Variants in THUMPD2 observed in about 807,000 individuals in gnomAD.
THUMPD2 encodes THUMP domain 2 tRNA and snRNA guanosine methyltransferase, also known as U6 snRNA (guanine-N(2))-methyltransferase THUMPD2.
THUMPD2 carries 56 observed loss-of-function variants against 49.4 expected under a neutral mutation model. That is an observed-to-expected ratio of 1.13 (90% CI 0.91 to 1.41). The LOEUF is 1.41. THUMPD2 is among the 40% of genes most tolerant of loss of function. The pLI is 0.00. For synonymous variants in THUMPD2, 237 were observed against 205.2 expected, an observed-to-expected ratio of 1.15 and a Z score of -1.32; for missense variants, 709 against 594.5, an observed-to-expected ratio of 1.19 and a Z score of -2.00.
chr2:39,737,015 T>C lies in THUMPD2; in HGVS notation c.1232A>G (p.Asp411Gly). 1 of 1,613,962 alleles carries C rather than the reference T, an allele frequency of 6.2e-7. No individual in the cohort carries two copies. The highest frequency in any genetic ancestry group is 8.5e-7 in the Non-Finnish European group (1 of 1,179,932). Residue 411 changes from aspartate (D) to glycine (G), a missense_variant, in exon 10 of 10, where the codon GAT becomes GGT. Transcript: ENST00000505747. ...ACAATCTGTAAGGCGCCTGTGGTGATCTTCACTAAGCAACAATACAATGGT... is the reference window on the plus strand; with the variant it reads ...ACAATCTGTAAGGCGCCTGTGGTGACCTTCACTAAGCAACAATACAATGGT... ...GGTIVLLLSE[D>G]HHRRLTDCKE...
chr2:39,765,154 C>T (rs1419347766), intron 5 of THUMPD2, among the ~76,000 whole-genome samples: 1 of 151,864 alleles, frequency 6.6e-6, no homozygotes, highest in African/African-American at 2.4e-5. Context: ...GTGAGATACT[C>T]TTCCTAAATT....
chr2:39,758,628 G>A (rs1676430957), intron 6 of THUMPD2, among the ~76,000 whole-genome samples: 2 of 152,286 alleles, frequency 1.3e-5, no homozygotes, highest in Admixed American at 6.5e-5. Context: ...CAGCAGGACT[G>A]ACAGATTCTC....
rs57906396 is a variant in THUMPD2 at position 39,767,603 on chromosome 2, C to CAAAAAAAAAAAA, written c.750+809_750+820dup. On this transcript the variant is annotated intron_variant, in intron 4 of 9. Transcript: ENST00000505747. ...TGGGCGACAGAGCGAGACTCCGTCT[C>CAAAAAAAAAAAA]AAAAAAAAAAAAAAAAAAAGAATTG... Among the ~76,000 whole-genome samples the CAAAAAAAAAAAA allele has an allele frequency of 1.8e-4, 12 of 67,824 alleles. 1 individual carries two copies. The highest frequency in any genetic ancestry group is 6.9e-4 in the African/African-American group (9 of 12,966). The allele number at this position is 67,824 out of a possible 152,430, so 44.5% of individuals were successfully genotyped here.
chr2:39,778,391 TG>T (rs1336670174), intron 1 of THUMPD2, among the ~76,000 whole-genome samples: 1 of 152,248 alleles, frequency 6.6e-6, no homozygotes, highest in African/African-American at 2.4e-5. Flanking sequence ...CTTCCCACAC[TG>T]TAGGAGCTGC....
At chr2:39,742,695 G>T (rs1435162475) in intron 9 of THUMPD2, among the ~76,000 whole-genome samples, 1 of 152,194 alleles carries the variant, frequency 6.6e-6, no homozygotes, top group African/African-American at 2.4e-5. Context: ...AAAGACTGCA[G>T]TCATTAACTC....
intron 6 of THUMPD2, among the ~76,000 whole-genome samples, 172 bp downstream of exon 6, chr2:39,761,159 T>C (rs564514289): frequency 1.3e-5 from 2 of 151,930 alleles, no homozygotes; most frequent in East Asian, 1.9e-4. Flanking sequence ...CAATAATATA[T>C]AAAAGCATTA....
At chr2:39,777,068 T>C (rs1391528073) in intron 1 of THUMPD2, among the ~76,000 whole-genome samples, 1 of 152,252 alleles carries the variant, frequency 6.6e-6, no homozygotes, top group Non-Finnish European at 1.5e-5. Flanking sequence ...TTTCTAACAC[T>C]CTCTTATCAT....
At chr2:39,755,209 A>G (rs550180992) in intron 8 of THUMPD2, 86 bp downstream of exon 8, 1 of 905,190 alleles carries the variant, frequency 1.1e-6, no homozygotes, top group East Asian at 3.2e-5. Flanking sequence ...ACCAACCTTT[A>G]CATAGTGAGA....
chr2:39,740,863 A>T (rs1673799995), intron 9 of THUMPD2, among the ~76,000 whole-genome samples: 1 of 151,692 alleles, frequency 6.6e-6, no homozygotes, highest in African/African-American at 2.4e-5. Context: ...ATGCCACCAC[A>T]CCTGGCTAAT....
chr2:39,736,830 C>G lies in THUMPD2; in HGVS notation c.1417G>C (p.Gly473Arg), dbSNP rs1477960589. The G allele has an allele frequency of 6.2e-7, 1 of 1,614,190 alleles. No homozygotes were observed. Among genetic ancestry groups the G allele is most frequent in the Non-Finnish European group, 8.5e-7 (1 of 1,180,036 alleles). ...TAGCATTCCACTGGTACCAAGGAGC[C>G]AAATGGTGACATTCTGTCTAAGAAT... Reference protein sequence around the residue: ...HKFLDRMSPFGSLVPVECYKV... With the variant: ...HKFLDRMSPFRSLVPVECYKV... Residue 473 changes from glycine (G) to arginine (R), a missense_variant, in exon 10 of 10, where the codon GGC becomes CGC. Physicochemically the swap from Gly to Arg is moderately radical, Grantham distance 125. Transcript: ENST00000505747.
chr2:39,769,330 T>C, intron 3 of THUMPD2: 2 of 243,446 alleles, frequency 8.2e-6, no homozygotes, highest in South Asian at 6.3e-5. Context: ...TAAGAACTAA[T>C]TGTCTGCGGC....
intron 1 of THUMPD2, among the ~76,000 whole-genome samples, chr2:39,776,696 C>T (rs1005861329): frequency 9.9e-5 from 15 of 152,200 alleles, no homozygotes; most frequent in South Asian, 6.2e-4. Context: ...AGGCTGGATT[C>T]GGCATACTAT....
At chr2:39,762,948 G>C (rs1335902563) in intron 5 of THUMPD2, among the ~76,000 whole-genome samples, 1 of 151,642 alleles carries the variant, frequency 6.6e-6, no homozygotes, top group Non-Finnish European at 1.5e-5. Context: ...ATTAATATTT[G>C]ACAAAAGTGA....
At position 39,769,764 on chromosome 2, in the gene THUMPD2, A is replaced by T; in HGVS notation, c.618T>A (p.Thr206=). The T allele has an allele frequency of 6.3e-7, 1 of 1,595,254 alleles. No individual in the cohort carries two copies. Among genetic ancestry groups the T allele is most frequent in the Non-Finnish European group, 8.5e-7 (1 of 1,174,332 alleles). Residue 206 remains threonine, a synonymous_variant, in exon 3 of 10, where the codon ACT becomes ACA. Transcript: ENST00000505747. Reference sequence around the variant, plus strand: ...CACTGCAGCGACAAGATACTCTGAAAGTCAAGTCATTCTGATTATGAGTAT... The same window carrying T: ...CACTGCAGCGACAAGATACTCTGAATGTCAAGTCATTCTGATTATGAGTAT... ...AIDTHNQNDL[T]FRVSCRCSGT...
intron 5 of THUMPD2, 43 bp from the exon 6 acceptor site, chr2:39,761,461 C>T: frequency 6.5e-7 from 1 of 1,547,406 alleles, no homozygotes; most frequent in Non-Finnish European, 8.9e-7. Flanking sequence ...ACACATTGAA[C>T]AACAAGATAT....
chr2:39,769,678 G>C, intron 3 of THUMPD2, 32 bp downstream of exon 3: 14 of 1,472,930 alleles, frequency 9.5e-6, no homozygotes, highest in Non-Finnish European at 1.3e-5. Flanking sequence ...TCCAGCCTGG[G>C]CGACAGACTC....
intron 9 of THUMPD2, among the ~76,000 whole-genome samples, chr2:39,742,746 A>G (rs1302291974): frequency 6.6e-6 from 1 of 152,188 alleles, no homozygotes; most frequent in Admixed American, 6.5e-5. Flanking sequence ...TTTAAGAACT[A>G]CCAATGCTTG....
At chr2:39,748,750 G>A (rs1019531614) in intron 8 of THUMPD2, among the ~76,000 whole-genome samples, 1 of 152,112 alleles carries the variant, frequency 6.6e-6, no homozygotes, top group Non-Finnish European at 1.5e-5. Context: ...AGCACTCCGG[G>A]AGGCTGAGCT....
chr2:39,752,285 GAAAAT>G (rs559443984), intron 8 of THUMPD2, among the ~76,000 whole-genome samples: 327 of 152,222 alleles, frequency 2.1e-3, no homozygotes, highest in Non-Finnish European at 2.9e-3. Flanking sequence ...TTACAGATGA[GAAAAT>G]AAAGAGAGGT....
Sources: gnomAD v4.1 joint callset for allele counts (sites outside exome capture counted in the v4.1 genomes callset) on GRCh38, gnomAD v4.1.1 for gene constraint, MANE v1.5 for transcripts, NCBI Gene and HGNC (gene_info 2026-07-23, HGNC 2026-07-21) for gene names.